The following ADGRA3 variants were observed in gnomAD, a reference collection of about 807,000 sequenced individuals.
The protein encoded by ADGRA3 is G-protein coupled receptor 125.
ADGRA3 carries 56 observed loss-of-function variants against 119.8 expected under a neutral mutation model. The observed-to-expected ratio is 0.47, with a 90% confidence interval of 0.38 to 0.58. The LOEUF is 0.58. ADGRA3 is among the 20% of genes least tolerant of loss of function. ADGRA3 has a pLI of 0.00. For synonymous variants in ADGRA3, 607 were observed against 623.8 expected, an observed-to-expected ratio of 0.97 and a Z score of 0.40; for missense variants, 1,516 against 1,649.0, an observed-to-expected ratio of 0.92 and a Z score of 1.40.
intron 12 of ADGRA3, among the ~76,000 whole-genome samples, chr4:22,418,850 T>G (rs2109031469): frequency 6.6e-6 from 1 of 152,092 alleles, no homozygotes; most frequent in Non-Finnish European, 1.5e-5. Flanking sequence ...GAGGTCTGGG[T>G]GGTGGTCCCA....
Position 22,433,049 on chromosome 4 carries a change from G to C in ADGRA3, c.1443+2262C>G, listed in dbSNP as rs544174309. Among the ~76,000 whole-genome samples, 51 of 152,268 alleles carry C rather than the reference G, an allele frequency of 3.3e-4. 1 individual carries two copies. The South Asian group carries it at 5.4e-3, about 16-fold the overall frequency. On this transcript the variant is annotated intron_variant, in intron 10 of 18. Coordinates refer to ENST00000334304, the MANE Select transcript of ADGRA3 (RefSeq NM_145290.4). The stretch of plus-strand genomic sequence containing the variant: ...TTCACTACACTAATAAATGGTGAAA[G>C]CTATGGCCTGTGGTTCAAATTGCCA...
At chr4:22,400,284 T>C (rs760945581) in intron 16 of ADGRA3, among the ~76,000 whole-genome samples, 5 of 152,106 alleles carry the variant, frequency 3.3e-5, no homozygotes, top group Non-Finnish European at 5.9e-5. Context: ...AGCCAAGAGA[T>C]AGAAACAACT....
intron 1 of ADGRA3, among the ~76,000 whole-genome samples, chr4:22,477,865 A>G (rs2109128410): frequency 6.6e-6 from 1 of 152,280 alleles, no homozygotes; most frequent in Non-Finnish European, 1.5e-5. Flanking sequence ...GAATAAATCT[A>G]CTCTGCAGAC....
At chr4:22,440,918 G>A (rs1033478934) in intron 7 of ADGRA3, among the ~76,000 whole-genome samples, 5 of 152,146 alleles carry the variant, frequency 3.3e-5, no homozygotes, top group Non-Finnish European at 7.4e-5. Context: ...AGGGAATTCT[G>A]CTTCTAGCAA....
intron 1 of ADGRA3, among the ~76,000 whole-genome samples, chr4:22,504,924 T>C (rs1227200599): frequency 6.6e-6 from 1 of 152,120 alleles, no homozygotes; most frequent in Non-Finnish European, 1.5e-5. Context: ...TCCAAGCATC[T>C]GAACTTTTAA....
intron 1 of ADGRA3, among the ~76,000 whole-genome samples, chr4:22,506,130 G>A (rs1024770610): frequency 2.6e-5 from 4 of 152,154 alleles, no homozygotes; most frequent in Non-Finnish European, 5.9e-5. Flanking sequence ...AAAACCAGGG[G>A]TGCTGAAGAT....
chr4:22,420,834 G>A, intron 12 of ADGRA3, 52 bp downstream of exon 12: 2 of 1,520,814 alleles, frequency 1.3e-6, no homozygotes, highest in Non-Finnish European at 1.8e-6. Context: ...AACATTTGGA[G>A]CATTCTAATT....
intron 1 of ADGRA3, among the ~76,000 whole-genome samples, chr4:22,477,167 CATTT>C (rs1718078815): frequency 6.6e-6 from 1 of 152,168 alleles, no homozygotes; most frequent in South Asian, 2.1e-4. Context: ...TAAAGAGCCA[CATTT>C]ATTTATTTAT....
At chr4:22,425,005 G>T (rs1036215703) in intron 10 of ADGRA3, among the ~76,000 whole-genome samples, 4 of 151,764 alleles carry the variant, frequency 2.6e-5, no homozygotes, top group African/African-American at 9.7e-5. Flanking sequence ...AAGCTGGGAG[G>T]CAGACACTGC....
intron 12 of ADGRA3, among the ~76,000 whole-genome samples, chr4:22,417,859 A>G (rs1468073078): frequency 1.3e-5 from 2 of 152,186 alleles, no homozygotes; most frequent in African/African-American, 2.4e-5. Context: ...GGAAGCAAGA[A>G]GATGCATAAT....
At chr4:22,511,425 C>T (rs1042735099) in intron 1 of ADGRA3, among the ~76,000 whole-genome samples, 6 of 152,148 alleles carry the variant, frequency 3.9e-5, no homozygotes, top group African/African-American at 1.4e-4. Context: ...TTCTGCCAGA[C>T]CTTTCTTTAA....
intron 14 of ADGRA3, among the ~76,000 whole-genome samples, chr4:22,411,402 C>A (rs947981670): frequency 6.6e-6 from 1 of 152,004 alleles, no homozygotes; most frequent in Non-Finnish European, 1.5e-5. Flanking sequence ...AGATCAAGAC[C>A]AGCCTGGGAA....
chr4:22,406,615 A>T (rs1439241953), intron 14 of ADGRA3, among the ~76,000 whole-genome samples: 1 of 152,082 alleles, frequency 6.6e-6, no homozygotes, highest in East Asian at 1.9e-4. Context: ...TTTTCAGAGT[A>T]TCTAGTCCGA....
At chr4:22,421,253 AAAAAG>A (rs1715667499) in intron 11 of ADGRA3, among the ~76,000 whole-genome samples, 164 bp from the exon 12 acceptor site, 1 of 151,842 alleles carries the variant, frequency 6.6e-6, no homozygotes, top group African/African-American at 2.4e-5. Flanking sequence ...ATAAAAAAAA[AAAAAG>A]AAAGACAGAC....
At chr4:22,469,413 T>A (rs376717830) in intron 2 of ADGRA3, among the ~76,000 whole-genome samples, 1 of 152,222 alleles carries the variant, frequency 6.6e-6, no homozygotes, top group Non-Finnish European at 1.5e-5. Flanking sequence ...AATCACTTCA[T>A]TGAATGAATG....
intron 1 of ADGRA3, among the ~76,000 whole-genome samples, chr4:22,490,943 C>T (rs913301189): frequency 2.0e-5 from 3 of 151,972 alleles, no homozygotes; most frequent in African/African-American, 7.3e-5. Context: ...GTGTAAATGG[C>T]CCCAGAGAAC....
chr4:22,505,839 A>T (rs1044237562), intron 1 of ADGRA3, among the ~76,000 whole-genome samples: 17 of 152,124 alleles, frequency 1.1e-4, no homozygotes, highest in Admixed American at 1.3e-4. Context: ...GAGGTACAAG[A>T]CTAAGATAAA....
At chr4:22,426,618 A>T (rs1000801588) in intron 10 of ADGRA3, among the ~76,000 whole-genome samples, 1 of 152,190 alleles carries the variant, frequency 6.6e-6, no homozygotes, top group Non-Finnish European at 1.5e-5. Context: ...ATCCATTTTT[A>T]AAAAGTGATT....
chr4:22,445,135 T>C lies in ADGRA3; in HGVS notation c.546-2A>G, dbSNP rs1716783459. On this transcript the variant is annotated splice_acceptor_variant, in intron 5 of 18. Transcript: ENST00000334304. LOFTEE classifies it high-confidence loss of function. ...AAAAGATACTCAGTCTGGAATTCCC[T>C]GTAACATGCAAATACAACTTAGAGA... The C allele has an allele frequency of 1.2e-6, 2 of 1,613,036 alleles. No homozygotes were observed. The highest frequency in any genetic ancestry group is 1.7e-6 in the Non-Finnish European group (2 of 1,179,108).
Sources: gnomAD v4.1 joint callset for allele counts (sites outside exome capture counted in the v4.1 genomes callset) on GRCh38, gnomAD v4.1.1 for gene constraint, MANE v1.5 for transcripts, NCBI Gene and HGNC (gene_info 2026-07-23, HGNC 2026-07-21) for gene names.